The following FAM81A variants were observed in gnomAD, a reference collection of about 807,000 sequenced individuals.
FAM81A encodes protein FAM81A.
FAM81A carries 19 observed loss-of-function variants against 46.7 expected under a neutral mutation model. The observed-to-expected ratio is 0.41, with a 90% CI of 0.28 to 0.60. The LOEUF (loss-of-function observed/expected upper bound fraction) is 0.60. FAM81A is among the 20% of genes least tolerant of loss of function. The pLI, the probability that FAM81A is intolerant of heterozygous loss-of-function variation, is 0.34. For synonymous variants in FAM81A, 183 were observed against 152.9 expected (o/e 1.20, Z -1.45); for missense variants, 377 against 453.5 (o/e 0.83, Z 1.53).
chr15:59,520,588 G>A (rs2082317429), intron 8 of FAM81A, among the ~76,000 whole-genome samples: 2 of 138,496 alleles, frequency 1.4e-5, no homozygotes, highest in African/African-American at 5.3e-5. Flanking sequence ...TTTTTGAGAC[G>A]AGTCTTGCTC....
At chr15:59,421,687 G>C (rs1410499753) in intron 2 of FAM81A, among the ~76,000 whole-genome samples, 1 of 151,330 alleles carries the variant, frequency 6.6e-6, no homozygotes, top group Non-Finnish European at 1.5e-5. Flanking sequence ...TTATCCTTGG[G>C]GACAGATTAA....
intron 1 of FAM81A, chr15:59,446,764 G>A (rs1302620789): frequency 1.3e-5 from 2 of 152,202 alleles, no homozygotes; most frequent in Non-Finnish European, 2.9e-5. Context: ...ACAACATGCT[G>A]ATTCCCTGAT....
At chr15:59,496,611 AAAAG>A (rs1254303511) in intron 4 of FAM81A, among the ~76,000 whole-genome samples, 2 of 152,150 alleles carry the variant, frequency 1.3e-5, no homozygotes, top group African/African-American at 4.8e-5. Context: ...TCTCAAAAAA[AAAAG>A]AAAGAAAATC....
intron 2 of FAM81A, among the ~76,000 whole-genome samples, chr15:59,430,013 A>G (rs920336590): frequency 3.9e-5 from 6 of 152,156 alleles, no homozygotes; most frequent in African/African-American, 1.4e-4. Flanking sequence ...ATTTTACTTT[A>G]CCATTCATGA....
intron 3 of FAM81A, among the ~76,000 whole-genome samples, chr15:59,470,952 A>G (rs1484326608): frequency 1.3e-5 from 2 of 151,938 alleles, no homozygotes; most frequent in African/African-American, 4.8e-5. Context: ...CCTCCTGAGT[A>G]GCTGGAACTA....
intron 3 of FAM81A, among the ~76,000 whole-genome samples, chr15:59,484,850 A>C (rs535986282): frequency 1.3e-5 from 2 of 151,858 alleles, no homozygotes; most frequent in Non-Finnish European, 2.9e-5. Flanking sequence ...TGGCTCTTGG[A>C]CTCTTGGATC....
At chr15:59,481,792 T>C (rs2081854957) in intron 3 of FAM81A, among the ~76,000 whole-genome samples, 3 of 151,816 alleles carry the variant, frequency 2.0e-5, no homozygotes, top group African/African-American at 7.3e-5. Context: ...TTTTTGGCAT[T>C]GGTCTCCAGG....
At chr15:59,423,210 G>A (rs2141555017) in intron 2 of FAM81A, among the ~76,000 whole-genome samples, 1 of 152,246 alleles carries the variant, frequency 6.6e-6, no homozygotes, top group Non-Finnish European at 1.5e-5. Context: ...CCATTCTCCT[G>A]CCTCAGCCTC....
chr15:59,461,095 C>G (rs1246650542), intron 3 of FAM81A, among the ~76,000 whole-genome samples: 2 of 151,956 alleles, frequency 1.3e-5, no homozygotes, highest in Non-Finnish European at 2.9e-5. Flanking sequence ...ATTGTGCAAC[C>G]TCAACACAAT....
At chr15:59,488,128 A>G (rs184367175) in intron 3 of FAM81A, among the ~76,000 whole-genome samples, 18 of 152,346 alleles carry the variant, frequency 1.2e-4, no homozygotes, top group Admixed American at 7.8e-4. Context: ...ATGCAAATCA[A>G]TCAGTGTGAT....
intron 4 of FAM81A, among the ~76,000 whole-genome samples, chr15:59,504,773 T>C (rs2082131777): frequency 6.6e-6 from 1 of 152,218 alleles, no homozygotes; most frequent in South Asian, 2.1e-4. Flanking sequence ...AAGATGTTTC[T>C]CCATTATCTT....
intron 3 of FAM81A, among the ~76,000 whole-genome samples, chr15:59,484,501 C>T (rs186074615): frequency 6.6e-6 from 1 of 152,324 alleles, no homozygotes; most frequent in East Asian, 1.9e-4. Context: ...ACCACCCCTC[C>T]ACCATTCCCT....
chr15:59,404,248 G>A (rs1413757590), intron 2 of FAM81A, among the ~76,000 whole-genome samples: 2 of 152,032 alleles, frequency 1.3e-5, no homozygotes, highest in Non-Finnish European at 2.9e-5. Context: ...AAAGGAGAGG[G>A]AGACACACCT....
At chr15:59,520,513 C>T (rs916418322) in intron 8 of FAM81A, among the ~76,000 whole-genome samples, 3 of 151,644 alleles carry the variant, frequency 2.0e-5, no homozygotes, top group African/African-American at 4.8e-5. Flanking sequence ...TAAAGAATAC[C>T]AGCCAGCCAG....
At chr15:59,489,788 A>G (rs2081962722) in intron 3 of FAM81A, among the ~76,000 whole-genome samples, 1 of 152,226 alleles carries the variant, frequency 6.6e-6, no homozygotes, top group African/African-American at 2.4e-5. Flanking sequence ...AAAAGGAGCC[A>G]TGATCATGCA....
intron 6 of FAM81A, among the ~76,000 whole-genome samples, chr15:59,510,777 C>CAAAAAAAAAAAAAAAAAAAAAAAAAAAAA (rs71119479): frequency 3.9e-5 from 1 of 25,774 alleles, no homozygotes; most frequent in Admixed American, 6.9e-4. Flanking sequence ...GACCCTGTCT[C>CAAAAAAAAAAAAAAAAAAAAAAAAAAAAA]AAAAAAAAAA....
Position 59,516,798 on chromosome 15 carries a change from A to T in FAM81A, c.940A>T (p.Met314Leu). ...GCGAATCACCAAGCTGGAGTTACAG[A>T]TGAACCAGAACATCAAGGAAATGAA... ...HGRITKLELQ[M>L]NQNIKEMKAE... Residue 314 changes from methionine to leucine, a missense_variant, in exon 8 of 9, where the codon ATG becomes TTG. Transcript: ENST00000288228. 1.2e-6 allele frequency: 2 copies of T among 1,611,556 alleles called. No homozygotes were observed. The highest frequency in any genetic ancestry group is 2.2e-5 in the South Asian group (2 of 90,620).
At chr15:59,481,907 A>G (rs544365431) in intron 3 of FAM81A, among the ~76,000 whole-genome samples, 57 of 151,964 alleles carry the variant, frequency 3.8e-4, no homozygotes, top group African/African-American at 1.3e-3. Flanking sequence ...TTAATATTAT[A>G]GATTTAAAAT....
chr15:59,521,657 C>T lies in FAM81A; in HGVS notation c.*279C>T, dbSNP rs564952081. The T allele has an allele frequency of 1.4e-4, 37 of 263,116 alleles. No individual in the cohort carries two copies. Among genetic ancestry groups the T allele is most frequent in the African/African-American group, 7.5e-4 (34 of 45,400 alleles). The allele number at this position is 263,116 out of a possible 1,614,324, so 16.3% of individuals were successfully genotyped here. ...AAAGGCTTTTATCTTCTTCATTTTA[C>T]GAATGGAAAGACGACAATTTTTCTT... is the stretch of plus-strand genomic sequence containing the variant. On this transcript the variant is annotated 3_prime_UTR_variant, in exon 9 of 9. Transcript: ENST00000288228.
Sources: gnomAD v4.1 joint callset for allele counts (sites outside exome capture counted in the v4.1 genomes callset) on GRCh38, gnomAD v4.1.1 for gene constraint, MANE v1.5 for transcripts, NCBI Gene and HGNC (gene_info 2026-07-23, HGNC 2026-07-21) for gene names.